The following ODAD2 variants were observed in gnomAD, a reference collection of about 807,000 sequenced individuals.
ODAD2 encodes the protein outer dynein arm docking complex subunit 2, also known as outer dynein arm-docking complex subunit 2.
Under a neutral mutation model 106.8 loss-of-function variants are expected in ODAD2, and 89 were observed. The observed-to-expected ratio is 0.83, with a 90% CI of 0.70 to 0.99. The LOEUF is 0.99. Ranked by LOEUF, ODAD2 falls within the 50% of genes least tolerant of loss-of-function variation. ODAD2 has a pLI of 0.00. For missense variants in ODAD2, 1,168 were observed against 1,238.5 expected, an observed-to-expected ratio of 0.94 and a Z score of 0.85; for synonymous variants, 404 against 436.2, an observed-to-expected ratio of 0.93 and a Z score of 0.92.
intron 17 of ODAD2, among the ~76,000 whole-genome samples, chr10:27,882,912 A>C (rs948448397): frequency 6.6e-6 from 1 of 151,928 alleles, no homozygotes; most frequent in African/African-American, 2.4e-5. Flanking sequence ...ATACAAAATC[A>C]GTGGCAATTA....
At chr10:27,864,423 G>T (rs927609005) in intron 17 of ODAD2, among the ~76,000 whole-genome samples, 2 of 149,474 alleles carry the variant, frequency 1.3e-5, no homozygotes, top group African/African-American at 5.0e-5. Context: ...AAAAAAACAG[G>T]CTGGAAGTGG....
chr10:27,895,389 G>C lies in ODAD2; in HGVS notation c.2610+12274C>G, dbSNP rs116546071. Among the ~76,000 whole-genome samples the C allele has an allele frequency of 7.1e-3, 1,079 of 152,310 alleles. 18 individuals are homozygous for C. Among genetic ancestry groups the C allele is most frequent in the African/African-American group, 0.025 (1,032 of 41,568 alleles). Reference sequence around the variant, plus strand: ...GCTCACTACAACTGCAGCCTCCTGGGTTCAAATGATTCTTGTGCCTCCCAA... The same window carrying C: ...GCTCACTACAACTGCAGCCTCCTGGCTTCAAATGATTCTTGTGCCTCCCAA... On this transcript the variant is annotated intron_variant, in intron 17 of 19. Transcript: ENST00000305242.
intron 16 of ODAD2, among the ~76,000 whole-genome samples, chr10:27,922,698 G>T (rs1315417194): frequency 6.6e-6 from 1 of 152,102 alleles, no homozygotes; most frequent in Non-Finnish European, 1.5e-5. Flanking sequence ...TTGAGGTCAG[G>T]AGTTCAAGAC....
intron 19 of ODAD2, among the ~76,000 whole-genome samples, chr10:27,857,186 G>A (rs781117876): frequency 2.6e-5 from 4 of 152,120 alleles, no homozygotes; most frequent in South Asian, 2.1e-4. Context: ...CCTACTCTAC[G>A]TGAAGATGAC....
At chr10:27,929,953 T>C (rs535794065) in intron 16 of ODAD2, among the ~76,000 whole-genome samples, 24 of 152,328 alleles carry the variant, frequency 1.6e-4, no homozygotes, top group African/African-American at 5.8e-4. Context: ...TCTTCTGTTA[T>C]ATCTTTACTT....
chr10:27,818,180 C>T (rs1589741119), intron 19 of ODAD2, among the ~76,000 whole-genome samples: 1 of 151,914 alleles, frequency 6.6e-6, no homozygotes, highest in East Asian at 1.9e-4. Context: ...TTTTTCCTCA[C>T]TTCTGCTTTC....
intron 17 of ODAD2, among the ~76,000 whole-genome samples, chr10:27,905,504 T>C (rs547840599): frequency 1.9e-3 from 291 of 152,282 alleles, no homozygotes; most frequent in Non-Finnish European, 3.2e-3. Flanking sequence ...TTCACAGAAT[T>C]ACAAAAAACT....
At chr10:27,869,704 T>G (rs1324276903) in intron 17 of ODAD2, among the ~76,000 whole-genome samples, 1 of 151,916 alleles carries the variant, frequency 6.6e-6, no homozygotes, top group Non-Finnish European at 1.5e-5. Flanking sequence ...CCGGCTAATT[T>G]TTGTATTTTT....
chr10:27,908,992 T>G (rs1438652925), intron 16 of ODAD2, among the ~76,000 whole-genome samples: 1 of 152,202 alleles, frequency 6.6e-6, no homozygotes, highest in Non-Finnish European at 1.5e-5. Flanking sequence ...CATACCATGC[T>G]GAGAGAAAAC....
chr10:27,840,389 G>A (rs79925591), intron 19 of ODAD2, among the ~76,000 whole-genome samples: 1,691 of 152,184 alleles, frequency 0.011, 27 homozygotes, highest in African/African-American at 0.038. Context: ...TGTCACTTTC[G>A]TGCACATCTT....
chr10:27,909,663 C>T (rs1274149701), intron 16 of ODAD2, among the ~76,000 whole-genome samples: 1 of 151,704 alleles, frequency 6.6e-6, no homozygotes, highest in Non-Finnish European at 1.5e-5. Flanking sequence ...ACTAAATATA[C>T]AAAAATTAGT....
intron 17 of ODAD2, among the ~76,000 whole-genome samples, chr10:27,878,798 T>C (rs1841518114): frequency 1.3e-5 from 2 of 152,150 alleles, no homozygotes; most frequent in South Asian, 4.1e-4. Flanking sequence ...AGTTTGTTTG[T>C]GTTCCTCTAT....
intron 17 of ODAD2, among the ~76,000 whole-genome samples, chr10:27,885,578 A>T: frequency 1.7e-5 from 1 of 59,864 alleles, no homozygotes; most frequent in Non-Finnish European, 3.1e-5. Flanking sequence ...ATATATATAT[A>T]AATATATAAA....
intron 16 of ODAD2, among the ~76,000 whole-genome samples, chr10:27,912,802 A>G (rs1264992223): frequency 1.3e-5 from 2 of 152,186 alleles, no homozygotes; most frequent in African/African-American, 4.8e-5. Context: ...CAAGTTGGCA[A>G]TTCAGTAAAA....
chr10:27,983,387 T>TC lies in ODAD2; in HGVS notation c.819+455dup, dbSNP rs1200105000. On this transcript the variant is annotated intron_variant, in intron 6 of 19. Coordinates refer to ENST00000305242, the MANE Select transcript of ODAD2 (RefSeq NM_018076.5). ...ACCAGCACAGCCTGGAAGTGGACCC[T>TC]CCCAAGAGGTCTGGGTCCCAGCTTC... is the stretch of plus-strand genomic sequence containing the variant. 7.9e-5 allele frequency among the ~76,000 whole-genome samples: 12 copies of TC among 152,302 alleles called. No homozygotes were observed. The East Asian group carries it at 2.3e-3, about 29-fold the overall frequency.
chr10:27,951,065 G>C (rs1403782816), intron 10 of ODAD2, among the ~76,000 whole-genome samples: 1 of 152,072 alleles, frequency 6.6e-6, no homozygotes, highest in Non-Finnish European at 1.5e-5. Context: ...CATAGGAAAT[G>C]TTTTAGATAC....
intron 17 of ODAD2, among the ~76,000 whole-genome samples, chr10:27,868,343 G>T (rs974245557): frequency 2.0e-5 from 3 of 152,068 alleles, no homozygotes; most frequent in African/African-American, 4.8e-5. Context: ...ATACCCAAAG[G>T]AATATAAATC....
intron 1 of ODAD2, among the ~76,000 whole-genome samples, chr10:27,997,851 A>T (rs1189653187): frequency 1.3e-5 from 2 of 152,220 alleles, no homozygotes; most frequent in Non-Finnish European, 2.9e-5. Context: ...CCATAGTTAA[A>T]ATGAATCCAT....
intron 19 of ODAD2, among the ~76,000 whole-genome samples, chr10:27,834,539 G>C (rs1254520156): frequency 1.3e-5 from 2 of 152,142 alleles, no homozygotes; most frequent in African/African-American, 4.8e-5. Context: ...AAAGAGGGGA[G>C]GATGAAGGTT....
Sources: allele counts gnomAD v4.1 joint callset (sites outside exome capture counted in the v4.1 genomes callset), GRCh38; gene constraint gnomAD v4.1.1; transcripts MANE v1.5; gene names NCBI Gene and HGNC (gene_info 2026-07-23, HGNC 2026-07-21).